CLEC16A: variants seen among roughly 807,000 people sequenced by gnomAD.
CLEC16A encodes the protein C-type lectin domain containing 16A, also known as protein CLEC16A.
In CLEC16A, 51 loss-of-function variants were observed where a neutral mutation model predicts 109.5. The ratio of observed to expected loss-of-function variants is 0.47; its 90% CI spans 0.37 to 0.59. The LOEUF is 0.59. CLEC16A is among the 20% of genes least tolerant of loss of function. The probability of loss-of-function intolerance (pLI) is 0.00; values close to 1 mark genes in which losing one functional copy is unlikely to be tolerated. For missense variants in CLEC16A, 1,339 were observed against 1,394.0 expected, an observed-to-expected ratio of 0.96 and a Z score of 0.63; for synonymous variants, 673 against 564.2, an observed-to-expected ratio of 1.19 and a Z score of -2.73.
intron 19 of CLEC16A, among the ~76,000 whole-genome samples, chr16:11,111,293 A>G (rs1359901401): frequency 6.6e-6 from 1 of 152,186 alleles, no homozygotes; most frequent in Non-Finnish European, 1.5e-5. Context: ...ACTCTGCTCC[A>G]CATGGCATCA....
chr16:11,051,862 T>C (rs9939298), intron 18 of CLEC16A, among the ~76,000 whole-genome samples: 20,205 of 152,226 alleles, frequency 0.13, 1,437 homozygotes, highest in African/African-American at 0.2. Context: ...TGGCACCCAG[T>C]GTTGGCTGCA....
rs1597277421 is a variant in CLEC16A at position 11,069,158 on chromosome 16, C to T, written c.2116+8136C>T. ...ATTTATTTATTTTGAGACAGGGTTT[C>T]ACTCTGTTGCCCAGGATGAAGTACA... is the stretch of plus-strand genomic sequence containing the variant. On this transcript the variant is annotated intron_variant, in intron 19 of 23. Transcript: ENST00000409790. Among the ~76,000 whole-genome samples, 5 of 152,216 alleles carry T rather than the reference C, an allele frequency of 3.3e-5. No homozygotes were observed. In the South Asian group the frequency reaches 1.0e-3, roughly 32 times the overall value.
At chr16:10,964,185 C>G (rs567627809) in intron 3 of CLEC16A, among the ~76,000 whole-genome samples, 157 of 152,314 alleles carry the variant, frequency 1.0e-3, no homozygotes, top group African/African-American at 3.6e-3. Flanking sequence ...TGATGGCTCT[C>G]GCAGCCGCCG....
chr16:11,091,967 C>T (rs2050328393), intron 19 of CLEC16A, among the ~76,000 whole-genome samples: 1 of 152,124 alleles, frequency 6.6e-6, no homozygotes, highest in Non-Finnish European at 1.5e-5. Flanking sequence ...AAGGCTTCCC[C>T]GTCGGCTGCC....
At chr16:11,111,751 G>A (rs2051601854) in intron 19 of CLEC16A, among the ~76,000 whole-genome samples, 1 of 152,332 alleles carries the variant, frequency 6.6e-6, no homozygotes, top group East Asian at 1.9e-4. Context: ...GCATTAGGCT[G>A]TAATTTAATA....
rs529330056 is a variant in CLEC16A, at chr16:10,986,837, AT to A, written c.1071+3856del. ...TCATTATGCAGTTTTAGTTTTTTTG[AT>A]TTTTTTTTTGGTGTGTTTTGTTTTG... On this transcript the variant is annotated intron_variant, in intron 10 of 23. Coordinates refer to ENST00000409790, the MANE Select transcript of CLEC16A (RefSeq NM_015226.3). Among the ~76,000 whole-genome samples the A allele has an allele frequency of 2.2e-3, 277 of 126,404 alleles. 3 individuals are homozygous for A. Among genetic ancestry groups the A allele is most frequent in the African/African-American group, 7.1e-3 (237 of 33,390 alleles). 82.9% of individuals were successfully genotyped at this position (126,404 alleles called of 152,430 possible).
intron 23 of CLEC16A, among the ~76,000 whole-genome samples, chr16:11,177,135 A>C (rs912739356): frequency 3.3e-5 from 5 of 152,270 alleles, no homozygotes; most frequent in African/African-American, 1.2e-4. Context: ...GCTCTGTGCA[A>C]ATGAGAATTT....
intron 13 of CLEC16A, among the ~76,000 whole-genome samples, chr16:11,033,640 C>A (rs1390742509): frequency 6.6e-6 from 1 of 152,144 alleles, no homozygotes; most frequent in East Asian, 1.9e-4. Context: ...CCTTACCCCC[C>A]AAATCAGGTC....
chr16:10,975,138 T>G (rs2042974066), intron 7 of CLEC16A, among the ~76,000 whole-genome samples: 1 of 151,826 alleles, frequency 6.6e-6, no homozygotes, highest in African/African-American at 2.4e-5. Flanking sequence ...AGGCCAGGAG[T>G]TGAAGACCAG....
At chr16:10,996,885 C>A (rs952760330) in intron 10 of CLEC16A, among the ~76,000 whole-genome samples, 3 of 152,228 alleles carry the variant, frequency 2.0e-5, no homozygotes, top group African/African-American at 7.2e-5. Flanking sequence ...CACCTGTTCG[C>A]TTTGTCCTAC....
At chr16:11,116,236 A>T (rs892805608) in intron 19 of CLEC16A, among the ~76,000 whole-genome samples, 8 of 151,552 alleles carry the variant, frequency 5.3e-5, no homozygotes, top group African/African-American at 1.9e-4. Context: ...CTAAAAATAA[A>T]AAAAAAAAAA....
Position 11,179,270 on chromosome 16 carries a change from T to G in CLEC16A, c.*580T>G, listed in dbSNP as rs900746104. 2.0e-5 allele frequency: 3 copies of G among 152,334 alleles called. No individual in the cohort carries two copies. Among genetic ancestry groups the G allele is most frequent in the African/African-American group, 7.2e-5 (3 of 41,464 alleles). The allele number at this position is 152,334 out of a possible 1,614,324, so 9.4% of individuals were successfully genotyped here. A position where few individuals can be genotyped will look rare whatever the true frequency, so the allele number is the denominator to read the frequency against. On this transcript the variant is annotated 3_prime_UTR_variant, in exon 24 of 24. Coordinates refer to ENST00000409790, the MANE Select transcript of CLEC16A (RefSeq NM_015226.3). ...GTTAAGATTTCATGATCATTTTCAC[T>G]GGACCTTTCCTGATATTTTGTTTCA...
intron 1 of CLEC16A, among the ~76,000 whole-genome samples, chr16:10,947,526 G>C (rs1366049818): frequency 6.6e-6 from 1 of 152,210 alleles, no homozygotes; most frequent in East Asian, 1.9e-4. Context: ...CAGCAGGGGC[G>C]GGAGGCGGAG....
At chr16:11,053,738 G>A (rs973095891) in intron 18 of CLEC16A, among the ~76,000 whole-genome samples, 1 of 152,210 alleles carries the variant, frequency 6.6e-6, no homozygotes, top group Non-Finnish European at 1.5e-5. Context: ...CTAGTGAGTA[G>A]CTGAGCCACA....
chr16:11,088,963 G>A (rs897234909), intron 19 of CLEC16A, among the ~76,000 whole-genome samples: 1 of 152,164 alleles, frequency 6.6e-6, no homozygotes, highest in African/African-American at 2.4e-5. Context: ...AAAGTGCCCT[G>A]CCATTTCCCC....
At chr16:10,980,737 C>A (rs1468051631) in intron 9 of CLEC16A, among the ~76,000 whole-genome samples, 1 of 151,994 alleles carries the variant, frequency 6.6e-6, no homozygotes, top group African/African-American at 2.4e-5. Flanking sequence ...GTAATACATC[C>A]CTTTTAAAGA....
chr16:10,999,577 A>T (rs575864375), intron 10 of CLEC16A, among the ~76,000 whole-genome samples: 3 of 151,910 alleles, frequency 2.0e-5, no homozygotes, highest in African/African-American at 7.2e-5. Flanking sequence ...TTACCTAACA[A>T]CTCCCCTATC....
At position 10,977,087 on chromosome 16, in the gene CLEC16A, G is replaced by T. The variant is rs559562856; in HGVS notation, c.729-138G>T. The T allele has an allele frequency of 1.1e-4, 85 of 757,150 alleles. No homozygotes were observed. In the African/African-American group the frequency reaches 1.4e-3, roughly 12 times the overall value. 46.9% of individuals were successfully genotyped at this position (757,150 alleles called of 1,614,324 possible). A position where few individuals can be genotyped will look rare whatever the true frequency, so the allele number is the denominator to read the frequency against. On this transcript the variant is annotated intron_variant, in intron 7 of 23. Coordinates refer to ENST00000409790, the MANE Select transcript of CLEC16A (RefSeq NM_015226.3). ...TTTCCCTTGTATATCTCCCCAGTAG[G>T]GGCCAGGATAAGTGTCTCTTGAGAC...
At chr16:11,054,998 T>C (rs1201159917) in intron 18 of CLEC16A, among the ~76,000 whole-genome samples, 2 of 151,108 alleles carry the variant, frequency 1.3e-5, no homozygotes, top group Non-Finnish European at 3.0e-5. Flanking sequence ...AGAAACTCCA[T>C]CCTTTATTTT....
Sources: allele counts gnomAD v4.1 joint callset (sites outside exome capture counted in the v4.1 genomes callset), GRCh38; gene constraint gnomAD v4.1.1; transcripts MANE v1.5; gene names NCBI Gene and HGNC (gene_info 2026-07-23, HGNC 2026-07-21).